Variants in COL4A4 observed in about 807,000 individuals in gnomAD.
COL4A4 encodes collagen type IV alpha 4 chain, also known as collagen alpha-4(IV) chain.
In COL4A4, 105 loss-of-function variants were observed where a neutral mutation model predicts 192.9. The ratio of observed to expected loss-of-function variants is 0.54; its 90% CI spans 0.46 to 0.64. The LOEUF (loss-of-function observed/expected upper bound fraction) is 0.64. Among genes scored for constraint, COL4A4 ranks in the 30% least tolerant of loss-of-function variants. The probability of loss-of-function intolerance (pLI) is 0.00; values close to 1 mark genes in which losing one functional copy is unlikely to be tolerated. For synonymous variants in COL4A4, 762 were observed against 769.9 expected, an observed-to-expected ratio of 0.99 and a Z score of 0.17; for missense variants, 1,967 against 2,169.3, an observed-to-expected ratio of 0.91 and a Z score of 1.85.
chr2:227,124,231 A>C (rs774715485), intron 4 of COL4A4, among the ~76,000 whole-genome samples: 1 of 152,226 alleles, frequency 6.6e-6, no homozygotes, highest in Non-Finnish European at 1.5e-5. Flanking sequence ...AAGTGAAAAC[A>C]CAAGCCAGGG....
intron 4 of COL4A4, among the ~76,000 whole-genome samples, chr2:227,131,635 A>G (rs1236597080): frequency 6.6e-6 from 1 of 152,196 alleles, no homozygotes; most frequent in African/African-American, 2.4e-5. Context: ...GGCGCCACAA[A>G]AAAAGATACG....
intron 3 of COL4A4, among the ~76,000 whole-genome samples, chr2:227,140,866 T>C (rs2063152308): frequency 7.0e-6 from 1 of 142,700 alleles, no homozygotes; most frequent in Non-Finnish European, 1.5e-5. Flanking sequence ...CAACACTGTC[T>C]TTAGAGCATC....
chr2:227,157,903 T>C (rs1285854911), intron 1 of COL4A4, among the ~76,000 whole-genome samples: 3 of 152,088 alleles, frequency 2.0e-5, no homozygotes, highest in Non-Finnish European at 4.4e-5. Context: ...GGCCAACTTA[T>C]TTTATGAGGC....
At chr2:226,993,074 G>A in the COL4A4 span, among the ~76,000 whole-genome samples, 1 of 152,246 alleles carries the variant, frequency 6.6e-6, no homozygotes, top group Non-Finnish European at 1.5e-5. Context: ...CGAATGCCCT[G>A]CAAATGGGTC....
chr2:227,104,940 C>T (rs1204142840), intron 12 of COL4A4, among the ~76,000 whole-genome samples: 2 of 151,692 alleles, frequency 1.3e-5, no homozygotes, highest in East Asian at 3.9e-4. Flanking sequence ...CGCACCCGGC[C>T]TATTAAAACT....
the COL4A4 span, among the ~76,000 whole-genome samples, chr2:226,972,881 A>C: frequency 2.0e-5 from 3 of 151,594 alleles, no homozygotes; most frequent in South Asian, 6.2e-4. Context: ...AGAAGGCCCA[A>C]TCCCTCCATT....
intron 27 of COL4A4, 148 bp downstream of exon 27, chr2:227,059,988 G>A (rs1976482781): frequency 1.5e-6 from 1 of 645,262 alleles, no homozygotes; most frequent in African/African-American, 1.9e-5. Context: ...ATAGCTAAGG[G>A]TCTATCAAGA....
At chr2:227,040,217 G>A (rs573368017) in intron 37 of COL4A4, among the ~76,000 whole-genome samples, 28 of 152,282 alleles carry the variant, frequency 1.8e-4, no homozygotes, top group Admixed American at 6.5e-4. Flanking sequence ...CCAGGATTTC[G>A]TATACGTATG....
At chr2:226,989,426 A>G in the COL4A4 span, among the ~76,000 whole-genome samples, 2 of 152,218 alleles carry the variant, frequency 1.3e-5, no homozygotes, top group Non-Finnish European at 2.9e-5. Flanking sequence ...TTATAAGTGC[A>G]GGAAATATTG....
chr2:227,116,031 A>C (rs186001237), intron 7 of COL4A4, among the ~76,000 whole-genome samples: 1 of 152,366 alleles, frequency 6.6e-6, no homozygotes, highest in East Asian at 1.9e-4. Flanking sequence ...AATGACTGAG[A>C]GGACGACTAC....
the COL4A4 span, chr2:226,988,315 C>T: frequency 6.5e-7 from 1 of 1,547,176 alleles, no homozygotes; most frequent in Non-Finnish European, 8.7e-7. Context: ...CACTGTGCCC[C>T]ACCTGAACAT....
chr2:227,109,270 C>T lies in COL4A4; in HGVS notation c.611G>A (p.Gly204Glu). 6.2e-7 allele frequency: 1 copy of T among 1,614,030 alleles called. No homozygotes were observed. Among genetic ancestry groups the T allele is most frequent in the Non-Finnish European group, 8.5e-7 (1 of 1,179,864 alleles). Residue 204 changes from glycine to glutamate, a missense_variant, in exon 10 of 48, where the codon GGA (glycine) becomes GAA (glutamate). Gly to Glu is a moderately conservative substitution (Grantham distance 98). Transcript: ENST00000396625. ...ATATCCTGTGGGACCTGCCGGTCCTCCTGCACCCCAAGATCCCTAAACATG... is the reference window on the plus strand; with the variant it reads ...ATATCCTGTGGGACCTGCCGGTCCTTCTGCACCCCAAGATCCCTAAACATG... ...LPGLPGSWGA[G>E]GPAGPTGYPG... is the part of the protein sequence containing the mutation.
chr2:227,126,988 T>A (rs1396157625), intron 4 of COL4A4, among the ~76,000 whole-genome samples: 1 of 152,212 alleles, frequency 6.6e-6, no homozygotes, highest in African/African-American at 2.4e-5. Flanking sequence ...AATCATTAAA[T>A]AATCACAGGA....
intron 40 of COL4A4, among the ~76,000 whole-genome samples, chr2:227,031,053 G>GGATGGATGGATGGATA (rs1308957064): frequency 6.6e-6 from 1 of 151,748 alleles, no homozygotes; most frequent in Non-Finnish European, 1.5e-5. Context: ...ATGGATGGAT[G>GGATGGATGGATGGATA]GATGGATGGA....
intron 4 of COL4A4, among the ~76,000 whole-genome samples, chr2:227,133,655 G>A (rs1052198741): frequency 3.9e-5 from 6 of 152,076 alleles, no homozygotes; most frequent in South Asian, 4.1e-4. Context: ...AGTTTGGGAC[G>A]CTGAGGTTGG....
chr2:227,090,968 A>G (rs1431881622), intron 20 of COL4A4, among the ~76,000 whole-genome samples: 2 of 151,588 alleles, frequency 1.3e-5, no homozygotes, highest in Non-Finnish European at 2.9e-5. Context: ...AATTTCAAGA[A>G]TCTGTACCTC....
chr2:227,135,214 T>C (rs369747432), intron 4 of COL4A4, among the ~76,000 whole-genome samples: 2 of 150,536 alleles, frequency 1.3e-5, no homozygotes, highest in East Asian at 1.9e-4. Context: ...CACAGAACCA[T>C]GGGCTGCTAG....
intron 4 of COL4A4, among the ~76,000 whole-genome samples, chr2:227,127,972 A>C (rs2062187193): frequency 6.6e-6 from 1 of 152,216 alleles, no homozygotes; most frequent in Non-Finnish European, 1.5e-5. Context: ...TTTATCATAA[A>C]AAATGTCACA....
chr2:227,039,663 G>A (rs1970390015), intron 37 of COL4A4, among the ~76,000 whole-genome samples: 1 of 151,910 alleles, frequency 6.6e-6, no homozygotes, highest in South Asian at 2.1e-4. Context: ...AGAAGTGGAG[G>A]GTAGGAAAAA....
Sources: allele counts gnomAD v4.1 joint callset (sites outside exome capture counted in the v4.1 genomes callset), GRCh38; gene constraint gnomAD v4.1.1; transcripts MANE v1.5; gene names NCBI Gene and HGNC (gene_info 2026-07-23, HGNC 2026-07-21).